LAMA2: variants seen among roughly 807,000 people sequenced by gnomAD.
LAMA2 encodes the protein laminin subunit alpha-2.
In LAMA2, 269 loss-of-function variants were observed where a neutral mutation model predicts 364.8. The observed-to-expected ratio is 0.74, with a 90% CI of 0.67 to 0.82. The LOEUF (loss-of-function observed/expected upper bound fraction) is 0.82, where lower values mean the gene tolerates loss of function less well. Among genes scored for constraint, LAMA2 ranks in the 40% least tolerant of loss-of-function variants. The pLI is 0.00. For synonymous variants in LAMA2, 1,379 were observed against 1,370.6 expected, an observed-to-expected ratio of 1.01 and a Z score of -0.14; for missense variants, 3,807 against 3,873.2, an observed-to-expected ratio of 0.98 and a Z score of 0.45.
chr6:129,419,209 C>T (rs539512799), intron 40 of LAMA2, among the ~76,000 whole-genome samples: 17 of 152,220 alleles, frequency 1.1e-4, no homozygotes, highest in African/African-American at 2.4e-4. Flanking sequence ...TGTCATCAGT[C>T]GGAAACACAG....
At chr6:129,512,515 A>T (rs769520460) in intron 63 of LAMA2, 22 bp downstream of exon 63, 7 of 1,612,292 alleles carry the variant, frequency 4.3e-6, no homozygotes, top group Non-Finnish European at 5.9e-6. Context: ...CAATGCAAAC[A>T]TTTCTGATTT....
intron 49 of LAMA2, among the ~76,000 whole-genome samples, chr6:129,462,873 A>G (rs912085327): frequency 1.8e-4 from 27 of 152,038 alleles, no homozygotes; most frequent in African/African-American, 6.5e-4. Flanking sequence ...TGAGGCTAAA[A>G]GAGGTAGACT....
At chr6:129,075,028 C>A (rs1214808033) in intron 3 of LAMA2, among the ~76,000 whole-genome samples, 1 of 151,938 alleles carries the variant, frequency 6.6e-6, no homozygotes, top group Non-Finnish European at 1.5e-5. Context: ...GGAGTCCTTG[C>A]ATTCCAGGGT....
chr6:129,079,315 T>G (rs1435568678), intron 3 of LAMA2, among the ~76,000 whole-genome samples: 1 of 152,206 alleles, frequency 6.6e-6, no homozygotes, highest in Non-Finnish European at 1.5e-5. Context: ...TTTTATAAAT[T>G]AAACTTCATC....
chr6:128,925,246 A>G (rs978213244), intron 1 of LAMA2, among the ~76,000 whole-genome samples: 1 of 152,206 alleles, frequency 6.6e-6, no homozygotes, highest in Non-Finnish European at 1.5e-5. Context: ...TACAATGGCC[A>G]AAAGGTGGGA....
chr6:128,962,185 T>TATATATATACACAC (rs1214826895), intron 1 of LAMA2, among the ~76,000 whole-genome samples: 1 of 103,918 alleles, frequency 9.6e-6, no homozygotes, highest in African/African-American at 3.7e-5. Flanking sequence ...TATATATATA[T>TATATATATACACAC]ACACACATAC....
chr6:128,977,604 C>T (rs747082136), intron 1 of LAMA2, among the ~76,000 whole-genome samples: 6 of 152,176 alleles, frequency 3.9e-5, no homozygotes, highest in East Asian at 1.9e-4. Context: ...ATTGTACTTA[C>T]GATAAATGTT....
intron 51 of LAMA2, among the ~76,000 whole-genome samples, chr6:129,472,711 C>A (rs1411590875): frequency 6.6e-6 from 1 of 151,934 alleles, no homozygotes; most frequent in Non-Finnish European, 1.5e-5. Flanking sequence ...TACAACATCC[C>A]CTTCCACTTC....
Position 129,304,852 on chromosome 6 carries a change from C to A in LAMA2, c.3174+3980C>A, listed in dbSNP as rs138447826. Among the ~76,000 whole-genome samples, 249 of 152,108 alleles carry A rather than the reference C, an allele frequency of 1.6e-3. 1 individual carries two copies. Among genetic ancestry groups the A allele is most frequent in the Admixed American group, 4.4e-3 (67 of 15,280 alleles). ...GAACATAATCTGCATTATTTCAGAC[C>A]TTTTGAAAATTATTGAGATTTGTTT... On this transcript the variant is annotated intron_variant, in intron 22 of 64. Coordinates refer to ENST00000421865, the MANE Select transcript of LAMA2 (RefSeq NM_000426.4).
chr6:129,368,616 G>C (rs937181123), intron 33 of LAMA2, among the ~76,000 whole-genome samples: 20 of 152,222 alleles, frequency 1.3e-4, no homozygotes, highest in African/African-American at 4.3e-4. Flanking sequence ...AGCAATGGAT[G>C]ATGAAGTAAA....
intron 19 of LAMA2, 73 bp from the exon 20 acceptor site, chr6:129,291,541 A>AAT: frequency 1.0e-6 from 1 of 1,001,356 alleles, no homozygotes; most frequent in Non-Finnish European, 1.6e-6. Flanking sequence ...CATGTGGGGT[A>AAT]TATTATTATT....
At chr6:128,910,454 C>T (rs1255847820) in intron 1 of LAMA2, among the ~76,000 whole-genome samples, 1 of 152,118 alleles carries the variant, frequency 6.6e-6, no homozygotes, top group Admixed American at 6.5e-5. Flanking sequence ...CTGCATTCTT[C>T]ACGTAGTTCT....
intron 58 of LAMA2, among the ~76,000 whole-genome samples, chr6:129,494,978 A>T (rs1785081934): frequency 6.6e-6 from 1 of 152,206 alleles, no homozygotes; most frequent in African/African-American, 2.4e-5. Flanking sequence ...AAAACAGCCT[A>T]ATTTCTAAAT....
intron 1 of LAMA2, among the ~76,000 whole-genome samples, chr6:128,936,059 ACTT>A (rs748186900): frequency 7.9e-5 from 12 of 152,232 alleles, no homozygotes; most frequent in East Asian, 1.9e-4. Context: ...TTCGCTTGGC[ACTT>A]CTTCTTCCTG....
chr6:128,928,392 T>C (rs1779229680), intron 1 of LAMA2, among the ~76,000 whole-genome samples: 2 of 152,234 alleles, frequency 1.3e-5, no homozygotes, highest in African/African-American at 4.8e-5. Flanking sequence ...ATCATAGTCT[T>C]AAATCATACT....
chr6:128,996,357 G>A (rs1460953653), intron 1 of LAMA2, among the ~76,000 whole-genome samples: 3 of 152,102 alleles, frequency 2.0e-5, no homozygotes. Flanking sequence ...TACAGAATGG[G>A]AGAAAATTTT....
rs1256593652 is a variant in LAMA2, at chr6:129,314,760, A to C, written c.3517A>C (p.Thr1173Pro). 4.3e-6 allele frequency: 7 copies of C among 1,613,924 alleles called. No homozygotes were observed. Among genetic ancestry groups the C allele is most frequent in the Non-Finnish European group, 5.9e-6 (7 of 1,179,994 alleles). ...CSSCYCFGTTTQCSEAKGLIR... is the reference protein window; with the variant it reads ...CSSCYCFGTTPQCSEAKGLIR... ...CAGCTGCTATTGCTTCGGCACTACT[A>C]CCCAGTGCTCTGAAGCAAAAGGACT... The change falls in exon 24 of 65, where the codon ACC becomes CCC. Residue 1173 changes from threonine (T) to proline (P), a missense_variant. Physicochemically the swap from Thr to Pro is conservative, Grantham distance 38. Coordinates refer to ENST00000421865, the MANE Select transcript of LAMA2 (RefSeq NM_000426.4).
At chr6:129,077,799 A>G (rs1773755934) in intron 3 of LAMA2, among the ~76,000 whole-genome samples, 1 of 152,186 alleles carries the variant, frequency 6.6e-6, no homozygotes, top group Admixed American at 6.5e-5. Flanking sequence ...TCTCATCCAC[A>G]TCATTGCACA....
At chr6:129,237,755 A>T (rs1263082348) in intron 12 of LAMA2, among the ~76,000 whole-genome samples, 2 of 152,152 alleles carry the variant, frequency 1.3e-5, no homozygotes, top group East Asian at 1.9e-4. Flanking sequence ...TTGAACCCAT[A>T]TATTTTAGAC....
Sources: allele counts gnomAD v4.1 joint callset (sites outside exome capture counted in the v4.1 genomes callset), GRCh38; gene constraint gnomAD v4.1.1; transcripts MANE v1.5; gene names NCBI Gene and HGNC (gene_info 2026-07-23, HGNC 2026-07-21).